Variants in GRIK2 observed in about 807,000 individuals in gnomAD.
GRIK2 encodes glutamate receptor ionotropic, kainate 2.
GRIK2 carries 32 observed loss-of-function variants against 100.3 expected under a neutral mutation model. The observed-to-expected ratio is 0.32, with a 90% confidence interval of 0.24 to 0.43. The LOEUF is 0.43. Ranked by LOEUF, GRIK2 falls within the 20% of genes least tolerant of loss-of-function variation. The pLI, the probability that GRIK2 is intolerant of heterozygous loss-of-function variation, is 1.00. For missense variants in GRIK2, 843 were observed against 1,114.9 expected (o/e 0.76, Z 3.47); for synonymous variants, 417 against 389.4 (o/e 1.07, Z -0.83).
At chr6:101,926,697 A>G (rs1789928430) in intron 13 of GRIK2, among the ~76,000 whole-genome samples, 2 of 152,144 alleles carry the variant, frequency 1.3e-5, no homozygotes, top group Admixed American at 1.3e-4. Context: ...AGGAACCCAT[A>G]CTATTCTGGC....
intron 2 of GRIK2, among the ~76,000 whole-genome samples, chr6:101,577,410 AAATT>A (rs1406594497): frequency 4.6e-5 from 7 of 152,096 alleles, no homozygotes; most frequent in African/African-American, 1.2e-4. Flanking sequence ...TAAATCATGA[AAATT>A]AATTAAAAAA....
chr6:101,951,246 G>T (rs1037030750), intron 14 of GRIK2, among the ~76,000 whole-genome samples: 2 of 152,126 alleles, frequency 1.3e-5, no homozygotes, highest in Non-Finnish European at 2.9e-5. Flanking sequence ...GAAGTGTGAA[G>T]AAATCCTGTA....
At chr6:101,651,102 C>T (rs1281206850) in intron 4 of GRIK2, among the ~76,000 whole-genome samples, 1 of 147,972 alleles carries the variant, frequency 6.8e-6, no homozygotes. Context: ...AAATGTTTCA[C>T]TCTCATCTTC....
intron 4 of GRIK2, among the ~76,000 whole-genome samples, chr6:101,633,455 G>A (rs757622309): frequency 2.0e-5 from 3 of 152,042 alleles, no homozygotes; most frequent in Non-Finnish European, 2.9e-5. Context: ...GATAATATGT[G>A]TCATACTTCA....
chr6:101,931,561 G>A (rs1582560830), intron 14 of GRIK2, among the ~76,000 whole-genome samples: 1 of 152,214 alleles, frequency 6.6e-6, no homozygotes, highest in Admixed American at 6.5e-5. Flanking sequence ...TTACATAGCT[G>A]TTCTTCAACA....
At chr6:101,939,811 AC>A in intron 14 of GRIK2, among the ~76,000 whole-genome samples, 1 of 152,262 alleles carries the variant, frequency 6.6e-6, no homozygotes, top group African/African-American at 2.4e-5. Flanking sequence ...AATAGATATA[AC>A]TAAACTGAGG....
At chr6:101,857,278 T>C (rs1038363565) in intron 10 of GRIK2, among the ~76,000 whole-genome samples, 9 of 152,108 alleles carry the variant, frequency 5.9e-5, no homozygotes, top group African/African-American at 1.9e-4. Context: ...GGAGATAAAA[T>C]GGTCATTCTA....
chr6:101,998,812 C>CTTTT (rs755522043), intron 14 of GRIK2, among the ~76,000 whole-genome samples: 33 of 110,064 alleles, frequency 3.0e-4, no homozygotes, highest in African/African-American at 6.0e-4. Flanking sequence ...TTTTTCTTTT[C>CTTTT]TTTTTTTTTT....
In GRIK2 at chr6:101,686,173, C is replaced by A. The variant is rs745439669; in HGVS notation, c.778-7C>A. 6.2e-7 allele frequency: 1 copy of A among 1,602,862 alleles called. No homozygotes were observed. The highest frequency in any genetic ancestry group is 1.7e-5 in the Admixed American group (1 of 59,628). Reference sequence around the variant, plus strand: ...ATAATAACAACACAATAACATTTGTCTTTCAGGACCTCTTTGCTCTTGATG... The same window carrying A: ...ATAATAACAACACAATAACATTTGTATTTCAGGACCTCTTTGCTCTTGATG... On this transcript the variant is annotated splice_region_variant and splice_polypyrimidine_tract_variant and intron_variant, in intron 6 of 16. Transcript: ENST00000369134.
chr6:101,900,857 C>T (rs1787800732), intron 12 of GRIK2, among the ~76,000 whole-genome samples: 2 of 151,166 alleles, frequency 1.3e-5, no homozygotes, highest in Non-Finnish European at 2.9e-5. Flanking sequence ...CTTTCCAATG[C>T]TAGCTTCAAG....
intron 2 of GRIK2, among the ~76,000 whole-genome samples, chr6:101,566,063 A>G (rs1375322277): frequency 6.6e-6 from 1 of 151,250 alleles, no homozygotes; most frequent in African/African-American, 2.4e-5. Context: ...CATCCTTGTC[A>G]TCTTCATACT....
intron 15 of GRIK2, among the ~76,000 whole-genome samples, chr6:102,040,299 A>ATATT (rs1270502497): frequency 6.6e-6 from 1 of 151,552 alleles, no homozygotes; most frequent in Non-Finnish European, 1.5e-5. Context: ...ATATTAGGGT[A>ATATT]TATTTTATTT....
chr6:101,681,619 G>A (rs1055347276), intron 5 of GRIK2, among the ~76,000 whole-genome samples: 1 of 151,864 alleles, frequency 6.6e-6, no homozygotes, highest in Non-Finnish European at 1.5e-5. Flanking sequence ...ATTGACTATA[G>A]TCAACCTATT....
chr6:101,983,140 G>A (rs1349509627), intron 14 of GRIK2, among the ~76,000 whole-genome samples: 1 of 151,750 alleles, frequency 6.6e-6, no homozygotes, highest in East Asian at 1.9e-4. Flanking sequence ...AATATGTACA[G>A]TAAACTGACA....
chr6:101,787,259 T>A (rs1268715633), intron 7 of GRIK2, among the ~76,000 whole-genome samples: 1 of 151,928 alleles, frequency 6.6e-6, no homozygotes, highest in South Asian at 2.1e-4. Context: ...TAAAGACTTT[T>A]CATTTCAATA....
chr6:101,520,323 T>C (rs1256714920), intron 2 of GRIK2, among the ~76,000 whole-genome samples: 1 of 151,004 alleles, frequency 6.6e-6, no homozygotes, highest in East Asian at 1.9e-4. Flanking sequence ...TTTTCTTTCA[T>C]GCATTAGGCT....
intron 2 of GRIK2, among the ~76,000 whole-genome samples, chr6:101,443,076 G>A (rs1248868412): frequency 7.9e-5 from 12 of 151,992 alleles, no homozygotes; most frequent in Non-Finnish European, 1.5e-4. Context: ...GTAATAGAAT[G>A]CATCACAGAA....
intron 2 of GRIK2, among the ~76,000 whole-genome samples, chr6:101,531,167 G>A (rs1192724639): frequency 6.6e-6 from 1 of 152,064 alleles, no homozygotes; most frequent in East Asian, 1.9e-4. Flanking sequence ...AAACCCATTA[G>A]AAATACGGAT....
chr6:101,563,300 A>C lies in GRIK2; in HGVS notation c.116-58649A>C, dbSNP rs868441063. Among the ~76,000 whole-genome samples the C allele has an allele frequency of 5.9e-5, 9 of 152,336 alleles. No homozygotes were observed. The South Asian group carries it at 1.7e-3, about 28-fold the overall frequency. On this transcript the variant is annotated intron_variant, in intron 2 of 16. Transcript: ENST00000369134. The stretch of plus-strand genomic sequence containing the variant: ...AATTATTGAGAATTGTAAAAGATCA[A>C]AACACATGTTCTGAGAGCAGAAAAT...
Sources: allele counts gnomAD v4.1 joint callset (sites outside exome capture counted in the v4.1 genomes callset), GRCh38; gene constraint gnomAD v4.1.1; transcripts MANE v1.5; gene names NCBI Gene and HGNC (gene_info 2026-07-23, HGNC 2026-07-21).